Variants in RGS8 observed in about 807,000 individuals in gnomAD.
RGS8 encodes regulator of G-protein signaling 8.
A neutral mutation model predicts 21.7 loss-of-function variants in RGS8; 8 were observed. That is an observed-to-expected ratio of 0.37 (90% CI 0.22 to 0.66). The LOEUF (loss-of-function observed/expected upper bound fraction) is 0.66, where lower values mean the gene tolerates loss of function less well. Among genes scored for constraint, RGS8 ranks in the 30% least tolerant of loss-of-function variants. RGS8 has a pLI of 0.59. For missense variants in RGS8, 157 were observed against 217.9 expected, an observed-to-expected ratio of 0.72 and a Z score of 1.76; for synonymous variants, 80 against 83.6, an observed-to-expected ratio of 0.96 and a Z score of 0.24.
At chr1:182,653,845 T>G (rs1044155621) in intron 5 of RGS8, among the ~76,000 whole-genome samples, 2 of 152,082 alleles carry the variant, frequency 1.3e-5, no homozygotes, top group Non-Finnish European at 2.9e-5. Flanking sequence ...AGAAATAGGA[T>G]GAGGAGCAAA....
intron 1 of RGS8, among the ~76,000 whole-genome samples, chr1:182,680,026 T>C (rs1664490654): frequency 6.6e-6 from 1 of 152,116 alleles, no homozygotes; most frequent in Non-Finnish European, 1.5e-5. Context: ...ATCTGTCTCC[T>C]CCCCTCCATC....
At chr1:182,644,518 A>G (rs1474103912), downstream of RGS8, 1 of 152,154 alleles carries the variant, frequency 6.6e-6, no homozygotes, top group Non-Finnish European at 1.5e-5. Flanking sequence ...TGACACCACC[A>G]TCTGCAGCCT....
At chr1:182,732,070 TGAC>T in the RGS8 span, among the ~76,000 whole-genome samples, 28 of 152,204 alleles carry the variant, frequency 1.8e-4, no homozygotes, top group Non-Finnish European at 3.7e-4. Flanking sequence ...GGATAGATAC[TGAC>T]GACTTTAGAA....
At chr1:182,720,913 G>GTATATATACATATATACA in the RGS8 span, among the ~76,000 whole-genome samples, 2 of 95,802 alleles carry the variant, frequency 2.1e-5, 1 homozygote, top group African/African-American at 9.5e-5. Flanking sequence ...ATATGTGTGT[G>GTATATATACATATATACA]TATATACATA....
chr1:182,703,424 A>T, the RGS8 span, among the ~76,000 whole-genome samples: 1 of 152,170 alleles, frequency 6.6e-6, no homozygotes. Flanking sequence ...ATAGAATTGG[A>T]GCTTGTGGAG....
the RGS8 span, among the ~76,000 whole-genome samples, chr1:182,707,866 C>A: frequency 2.6e-5 from 4 of 152,182 alleles, no homozygotes; most frequent in South Asian, 4.1e-4. Context: ...ACCACCATGT[C>A]TGGCTAATTT....
chr1:182,651,488 C>G (rs1035060030), intron 5 of RGS8, among the ~76,000 whole-genome samples: 1 of 152,164 alleles, frequency 6.6e-6, no homozygotes, highest in African/African-American at 2.4e-5. Context: ...ATATTGCTAG[C>G]CTGGGAAAAG....
upstream of RGS8, among the ~76,000 whole-genome samples, chr1:182,676,939 A>C (rs1664381242): frequency 6.6e-6 from 1 of 152,246 alleles, no homozygotes; most frequent in Non-Finnish European, 1.5e-5. Flanking sequence ...GATTATATGC[A>C]AAGAAATGAG....
chr1:182,691,195 A>G, the RGS8 span, among the ~76,000 whole-genome samples: 1 of 152,214 alleles, frequency 6.6e-6, no homozygotes, highest in Non-Finnish European at 1.5e-5. Flanking sequence ...GACCTAATAA[A>G]TGGTTGTTGT....
chr1:182,679,889 G>T (rs1355389314), intron 1 of RGS8, among the ~76,000 whole-genome samples: 2 of 152,042 alleles, frequency 1.3e-5, no homozygotes, highest in Non-Finnish European at 2.9e-5. Context: ...CTCAGTTTCT[G>T]GCACCACCAT....
the RGS8 span, among the ~76,000 whole-genome samples, chr1:182,732,301 A>ACACACACACACACACC: frequency 0.015 from 2,294 of 150,570 alleles, 26 homozygotes; most frequent in Non-Finnish European, 0.024. Context: ...ACACACACAC[A>ACACACACACACACACC]CCCACTGTAG....
chr1:182,669,296 C>T (rs1571342465), intron 3 of RGS8, among the ~76,000 whole-genome samples: 1 of 152,148 alleles, frequency 6.6e-6, no homozygotes. Context: ...TTCTACAGCC[C>T]CATCCCAGTA....
At chr1:182,668,375 T>C (rs1181740006) in intron 3 of RGS8, among the ~76,000 whole-genome samples, 1 of 152,260 alleles carries the variant, frequency 6.6e-6, no homozygotes, top group Non-Finnish European at 1.5e-5. Context: ...TTCTGCATGT[T>C]GAAAGGAGTC....
At chr1:182,688,348 C>G (rs1664750523), upstream of RGS8, among the ~76,000 whole-genome samples, 2 of 150,736 alleles carry the variant, frequency 1.3e-5, no homozygotes, top group African/African-American at 4.9e-5. Context: ...CACACTTTCT[C>G]TCTCGCTCGC....
intron 2 of RGS8, 40 bp from the exon 4 acceptor site, chr1:182,669,792 C>G: frequency 6.6e-7 from 1 of 1,509,474 alleles, no homozygotes. Flanking sequence ...GCCACCCTCT[C>G]TCATCTGACT....
At chr1:182,678,229 G>T (rs79422775) in intron 1 of RGS8, among the ~76,000 whole-genome samples, 3,841 of 152,204 alleles carry the variant, frequency 0.025, 87 homozygotes, top group African/African-American at 0.052. Context: ...CTGGGTGGTA[G>T]GTACGTAGGG....
upstream of RGS8, among the ~76,000 whole-genome samples, chr1:182,674,357 T>C (rs991032119): frequency 6.6e-6 from 1 of 151,970 alleles, no homozygotes; most frequent in Non-Finnish European, 1.5e-5. Context: ...AAAAGAGCTA[T>C]AGTAAACAAG....
At chr1:182,715,267 C>G in the RGS8 span, among the ~76,000 whole-genome samples, 1 of 152,208 alleles carries the variant, frequency 6.6e-6, no homozygotes, top group African/African-American at 2.4e-5. Context: ...TAGAAAACAT[C>G]TTTCTCCCAG....
chr1:182,701,116 C>T, the RGS8 span, among the ~76,000 whole-genome samples: 1 of 152,190 alleles, frequency 6.6e-6, no homozygotes, highest in African/African-American at 2.4e-5. Flanking sequence ...GTAGCTCCAT[C>T]CCAAATGAGG....
Sources: allele counts gnomAD v4.1 joint callset (sites outside exome capture counted in the v4.1 genomes callset), GRCh38; gene constraint gnomAD v4.1.1; transcripts MANE v1.5; gene names NCBI Gene and HGNC (gene_info 2026-07-23, HGNC 2026-07-21).